Variants in POU6F2 observed in about 807,000 individuals in gnomAD.
POU6F2 encodes POU class 6 homeobox 2.
POU6F2 carries 31 observed loss-of-function variants against 71.3 expected under a neutral mutation model. The ratio of observed to expected loss-of-function variants is 0.43; its 90% CI spans 0.33 to 0.59. The LOEUF (loss-of-function observed/expected upper bound fraction) is 0.59. Among genes scored for constraint, POU6F2 ranks in the 20% least tolerant of loss-of-function variants. The pLI is 0.04. For missense variants in POU6F2, 783 were observed against 856.8 expected, an observed-to-expected ratio of 0.91 and a Z score of 1.07; for synonymous variants, 347 against 355.7, an observed-to-expected ratio of 0.98 and a Z score of 0.27.
intron 2 of POU6F2, among the ~76,000 whole-genome samples, chr7:39,095,520 C>T (rs955222264): frequency 2.6e-5 from 4 of 152,162 alleles, no homozygotes; most frequent in Non-Finnish European, 5.9e-5. Context: ...GGCTACACGT[C>T]TTGTCATCTG....
intron 2 of POU6F2, among the ~76,000 whole-genome samples, chr7:39,173,437 G>A (rs555870616): frequency 1.1e-4 from 17 of 152,324 alleles, no homozygotes; most frequent in Admixed American, 1.0e-3. Flanking sequence ...TAGAGTTGCT[G>A]TAGAGTTTGA....
intron 7 of POU6F2, among the ~76,000 whole-genome samples, chr7:39,435,947 A>G (rs1351471245): frequency 6.6e-6 from 1 of 151,980 alleles, no homozygotes; most frequent in Non-Finnish European, 1.5e-5. Flanking sequence ...GTGTGGTGTT[A>G]TTTCTGAGGT....
At chr7:39,119,869 T>C (rs1005625463) in intron 2 of POU6F2, among the ~76,000 whole-genome samples, 3 of 152,194 alleles carry the variant, frequency 2.0e-5, no homozygotes, top group African/African-American at 4.8e-5. Context: ...GGTTCAAACA[T>C]GAGACAATGC....
chr7:39,059,469 G>C (rs1256524214), intron 1 of POU6F2, among the ~76,000 whole-genome samples: 1 of 146,314 alleles, frequency 6.8e-6, no homozygotes, highest in Non-Finnish European at 1.5e-5. Context: ...ACCACAACGA[G>C]ATACCACTTC....
intron 4 of POU6F2, among the ~76,000 whole-genome samples, chr7:39,304,717 C>A (rs1785018469): frequency 6.6e-6 from 1 of 152,156 alleles, no homozygotes; most frequent in Non-Finnish European, 1.5e-5. Context: ...CACAGCATTC[C>A]TTTCTATTTG....
chr7:39,056,377 G>A (rs1790518707), intron 1 of POU6F2, among the ~76,000 whole-genome samples: 1 of 151,566 alleles, frequency 6.6e-6, no homozygotes, highest in Admixed American at 6.6e-5. Context: ...GTTTTATAGA[G>A]GTTATTCTTT....
At chr7:39,356,850 A>G (rs537251885) in intron 5 of POU6F2, among the ~76,000 whole-genome samples, 1 of 152,192 alleles carries the variant, frequency 6.6e-6, no homozygotes, top group Admixed American at 6.5e-5. Flanking sequence ...CCTTCTCTGC[A>G]TTATCTTCAC....
intron 2 of POU6F2, among the ~76,000 whole-genome samples, chr7:39,144,639 T>C (rs1204775898): frequency 6.6e-6 from 1 of 152,194 alleles, no homozygotes; most frequent in Non-Finnish European, 1.5e-5. Flanking sequence ...GGCAACACCT[T>C]TGTGAGTTTC....
intron 4 of POU6F2, among the ~76,000 whole-genome samples, chr7:39,268,684 A>C (rs1784293302): frequency 6.6e-6 from 1 of 152,212 alleles, no homozygotes; most frequent in Admixed American, 6.5e-5. Context: ...TCATGGAAAA[A>C]TCTTTCTATG....
chr7:39,096,023 G>T (rs1289952723), intron 2 of POU6F2, among the ~76,000 whole-genome samples: 1 of 152,086 alleles, frequency 6.6e-6, no homozygotes, highest in African/African-American at 2.4e-5. Flanking sequence ...TTTAGTCAAT[G>T]ATAAATAAAG....
intron 4 of POU6F2, among the ~76,000 whole-genome samples, chr7:39,300,058 C>T (rs908871030): frequency 6.6e-6 from 1 of 152,198 alleles, no homozygotes; most frequent in Non-Finnish European, 1.5e-5. Flanking sequence ...CAAAGGCAGG[C>T]CAAGCCCACG....
intron 4 of POU6F2, among the ~76,000 whole-genome samples, chr7:39,235,339 A>G (rs10265739): frequency 0.43 from 66,061 of 151,966 alleles, 14,708 homozygotes; most frequent in East Asian, 0.7. Flanking sequence ...CTGTGGTTAG[A>G]ACTTTTCATA....
At chr7:39,216,600 G>A (rs1398746194) in intron 4 of POU6F2, among the ~76,000 whole-genome samples, 3 of 152,038 alleles carry the variant, frequency 2.0e-5, no homozygotes, top group Non-Finnish European at 4.4e-5. Context: ...CGTGGTGATG[G>A]TTCACTATTT....
intron 1 of POU6F2, among the ~76,000 whole-genome samples, chr7:39,031,900 C>T (rs1789951193): frequency 6.6e-6 from 1 of 151,706 alleles, no homozygotes; most frequent in South Asian, 2.1e-4. Context: ...ATTGCACGTG[C>T]CTTATAATGG....
intron 2 of POU6F2, among the ~76,000 whole-genome samples, chr7:39,182,164 C>T (rs776624514): frequency 2.6e-5 from 4 of 152,138 alleles, no homozygotes; most frequent in Non-Finnish European, 4.4e-5. Flanking sequence ...TTAAATAATA[C>T]GAATGACACA....
chr7:39,141,971 C>T (rs1792513240), intron 2 of POU6F2, among the ~76,000 whole-genome samples: 1 of 152,082 alleles, frequency 6.6e-6, no homozygotes, highest in Non-Finnish European at 1.5e-5. Context: ...CCTGTAGTCC[C>T]ACCTACTCAG....
chr7:39,207,733 G>A, intron 4 of POU6F2, 113 bp downstream of exon 4: 1 of 1,011,370 alleles, frequency 9.9e-7, no homozygotes, highest in Non-Finnish European at 1.4e-6. Flanking sequence ...AGTTGCTTCT[G>A]CCCTAAATGA....
intron 2 of POU6F2, among the ~76,000 whole-genome samples, chr7:39,146,508 G>A (rs1328813901): frequency 6.6e-6 from 1 of 152,182 alleles, no homozygotes; most frequent in East Asian, 1.9e-4. Flanking sequence ...TGAAGTTCTG[G>A]GTAAGGTGAG....
At chr7:39,087,401 T>C (rs1290702322) in intron 2 of POU6F2, among the ~76,000 whole-genome samples, 1 of 152,090 alleles carries the variant, frequency 6.6e-6, no homozygotes, top group Non-Finnish European at 1.5e-5. Flanking sequence ...TTCAAGAAAT[T>C]TTGGTAGCAT....
Sources: allele counts gnomAD v4.1 joint callset (sites outside exome capture counted in the v4.1 genomes callset), GRCh38; gene constraint gnomAD v4.1.1; transcripts MANE v1.5; gene names NCBI Gene and HGNC (gene_info 2026-07-23, HGNC 2026-07-21).